Variants in GFOD2 observed in about 807,000 individuals in gnomAD.
The protein encoded by GFOD2 is glucose-fructose oxidoreductase domain-containing protein 2.
GFOD2 carries 9 observed loss-of-function variants against 24.6 expected under a neutral mutation model. The ratio of observed to expected loss-of-function variants is 0.37; its 90% CI spans 0.22 to 0.64. GFOD2 has a LOEUF of 0.64. Ranked by LOEUF, GFOD2 falls within the 30% of genes least tolerant of loss-of-function variation. The pLI, the probability that GFOD2 is intolerant of heterozygous loss-of-function variation, is 0.65. For missense variants in GFOD2, 476 were observed against 532.5 expected (o/e 0.89, Z 1.04); for synonymous variants, 211 against 224.8 (o/e 0.94, Z 0.55).
intron 1 of GFOD2, among the ~76,000 whole-genome samples, chr16:67,710,078 T>G (rs950758045): frequency 1.3e-5 from 2 of 152,046 alleles, no homozygotes; most frequent in Admixed American, 6.5e-5. Context: ...CCCGAGTACC[T>G]GGGATACAAC....
At chr16:67,693,355 T>C (rs757743842) in intron 1 of GFOD2, among the ~76,000 whole-genome samples, 1 of 151,868 alleles carries the variant, frequency 6.6e-6, no homozygotes, top group Non-Finnish European at 1.5e-5. Flanking sequence ...CTCGACTCAC[T>C]GCAACCTCCG....
intron 2 of GFOD2, chr16:67,684,928 G>A (rs2053254622): frequency 5.0e-6 from 5 of 997,484 alleles, no homozygotes; most frequent in African/African-American, 3.5e-5. Flanking sequence ...GGCTGTCGAC[G>A]GATCCTGTCA....
At chr16:67,696,536 C>T (rs577187527) in intron 1 of GFOD2, among the ~76,000 whole-genome samples, 6 of 152,092 alleles carry the variant, frequency 3.9e-5, no homozygotes, top group Admixed American at 1.3e-4. Flanking sequence ...TGCAGTGGCG[C>T]GCTCTTGGCT....
intron 1 of GFOD2, among the ~76,000 whole-genome samples, chr16:67,693,167 A>T (rs987379631): frequency 2.0e-5 from 3 of 152,350 alleles, no homozygotes; most frequent in Non-Finnish European, 2.9e-5. Context: ...CACCATCACA[A>T]GCTCCCTGAT....
chr16:67,692,733 A>T (rs1380797752), intron 1 of GFOD2, among the ~76,000 whole-genome samples: 2 of 151,930 alleles, frequency 1.3e-5, no homozygotes, highest in African/African-American at 4.8e-5. Context: ...ATAATTTAAA[A>T]AAAAAAAAAA....
At chr16:67,696,013 C>G (rs2053356108) in intron 1 of GFOD2, among the ~76,000 whole-genome samples, 1 of 151,482 alleles carries the variant, frequency 6.6e-6, no homozygotes, top group African/African-American at 2.4e-5. Flanking sequence ...CATAGGGAAC[C>G]CTTTTTTTTT....
chr16:67,714,393 C>G (rs1166142113), intron 1 of GFOD2, among the ~76,000 whole-genome samples: 2 of 150,482 alleles, frequency 1.3e-5, no homozygotes, highest in African/African-American at 2.5e-5. Context: ...GCACAAGAAT[C>G]GCTTGAACCC....
chr16:67,675,231 T>G lies in GFOD2; in HGVS notation c.1082A>C (p.Glu361Ala). ...IKRSSRSGEW[E>A]AVEVLTEEPD... is the part of the protein sequence containing the mutation. ...CTCCTCCGTCAGCACCTCCACAGCC[T>G]CCCACTCCCCGGATCGGCTCGACCT... is the stretch of plus-strand genomic sequence containing the variant. Residue 361 changes from glutamate (E) to alanine (A), a missense_variant, in exon 3 of 3, where the codon GAG becomes GCG. By Grantham distance (107) the Glu-to-Ala change is moderately radical. Transcript: ENST00000268797. 6.2e-7 allele frequency: 1 copy of G among 1,613,804 alleles called. No homozygotes were observed. The highest frequency in any genetic ancestry group is 1.1e-5 in the South Asian group (1 of 91,088).
At chr16:67,678,839 G>A (rs547372526) in intron 2 of GFOD2, among the ~76,000 whole-genome samples, 27 of 152,160 alleles carry the variant, frequency 1.8e-4, no homozygotes, top group African/African-American at 5.3e-4. Context: ...AGCCAATGTC[G>A]TAAATACAGA....
chr16:67,696,162 C>T (rs768905321), intron 1 of GFOD2, among the ~76,000 whole-genome samples: 3 of 151,806 alleles, frequency 2.0e-5, no homozygotes, highest in South Asian at 2.1e-4. Flanking sequence ...TACAGGAGCC[C>T]GCCACCATGC....
intron 2 of GFOD2, chr16:67,683,332 G>C (rs2053242051): frequency 7.4e-6 from 9 of 1,219,256 alleles, no homozygotes; most frequent in Non-Finnish European, 9.2e-6. Context: ...CTAAAATTCA[G>C]GAAGAAGACT....
intron 1 of GFOD2, among the ~76,000 whole-genome samples, chr16:67,693,080 TCTCA>T (rs1428749889): frequency 2.0e-5 from 3 of 152,036 alleles, no homozygotes; most frequent in African/African-American, 4.8e-5. Flanking sequence ...AGGAATCCTT[TCTCA>T]CTTTTTAAAT....
intron 1 of GFOD2, among the ~76,000 whole-genome samples, chr16:67,696,085 C>T (rs2053356880): frequency 1.3e-5 from 2 of 151,568 alleles, no homozygotes; most frequent in African/African-American, 4.9e-5. Flanking sequence ...ACGATCTCGG[C>T]TCACTGCAAC....
chr16:67,703,930 A>C (rs1341427146), intron 1 of GFOD2, among the ~76,000 whole-genome samples: 1 of 152,184 alleles, frequency 6.6e-6, no homozygotes, highest in Non-Finnish European at 1.5e-5. Context: ...ACATAAGTGG[A>C]ATCATACAGT....
intron 2 of GFOD2, among the ~76,000 whole-genome samples, chr16:67,680,078 T>C (rs2142992686): frequency 6.6e-6 from 1 of 152,310 alleles, no homozygotes; most frequent in African/African-American, 2.4e-5. Flanking sequence ...AAACTTTTTG[T>C]AAATACAGGG....
intron 1 of GFOD2, among the ~76,000 whole-genome samples, chr16:67,712,892 C>T (rs1277744536): frequency 8.9e-6 from 1 of 111,954 alleles, no homozygotes; most frequent in Non-Finnish European, 1.6e-5. Context: ...CGTCTCTGCC[C>T]GGCCGCCCAT....
intron 1 of GFOD2, among the ~76,000 whole-genome samples, chr16:67,715,829 T>C (rs1026831218): frequency 3.4e-5 from 5 of 148,062 alleles, no homozygotes; most frequent in Non-Finnish European, 7.4e-5. Context: ...GAGACCCCCA[T>C]CTCTACAAAA....
chr16:67,675,883 CT>C lies in GFOD2; in HGVS notation c.429del (p.Ala144ArgfsTer2). 6.2e-7 allele frequency: 1 copy of C among 1,614,190 alleles called. No individual in the cohort carries two copies. The highest frequency in any genetic ancestry group is 2.2e-5 in the East Asian group (1 of 44,878). On this transcript the variant is annotated frameshift_variant, in exon 3 of 3. Transcript: ENST00000268797. LOFTEE classifies it high-confidence loss of function. Reference sequence around the variant, plus strand: ...ATGCGGGCATCACAGATCATCACCGCTCCCACATAGTGTTCCGAAATCAGCT... The same window carrying C: ...ATGCGGGCATCACAGATCATCACCGCCCCACATAGTGTTCCGAAATCAGCT... The part of the protein sequence containing the change: ...MKQLISEHYV[G>X]AVMICDARIY...
chr16:67,690,021 C>A lies in GFOD2; in HGVS notation c.-87-4219G>T, dbSNP rs963267271. Among the ~76,000 whole-genome samples the A allele has an allele frequency of 2.6e-5, 4 of 152,176 alleles. No homozygotes were observed. The East Asian group carries it at 7.7e-4, about 29-fold the overall frequency. The stretch of plus-strand genomic sequence containing the variant: ...AACCTTGTAGCATATGTCAGGACTT[C>A]CTTCCTTTTCAAGGTTGAGTAATAT... On this transcript the variant is annotated intron_variant, in intron 1 of 2. Coordinates refer to ENST00000268797, the MANE Select transcript of GFOD2 (RefSeq NM_030819.4).
Sources: allele counts gnomAD v4.1 joint callset (sites outside exome capture counted in the v4.1 genomes callset), GRCh38; gene constraint gnomAD v4.1.1; transcripts MANE v1.5; gene names NCBI Gene and HGNC (gene_info 2026-07-23, HGNC 2026-07-21).